Variants in PLCG1 observed in about 807,000 individuals in gnomAD.
PLCG1 encodes phospholipase C gamma 1.
Under a neutral mutation model 177.8 loss-of-function variants are expected in PLCG1, and 71 were observed. The observed-to-expected ratio is 0.40, with a 90% CI of 0.33 to 0.49. The LOEUF is 0.49. Ranked by LOEUF, PLCG1 falls within the 20% of genes least tolerant of loss-of-function variation. The pLI, the probability that PLCG1 is intolerant of heterozygous loss-of-function variation, is 0.72. For missense variants in PLCG1, 1,281 were observed against 1,709.0 expected (o/e 0.75, Z 4.42); for synonymous variants, 658 against 647.9 (o/e 1.02, Z -0.24).
rs76786327 is a variant in PLCG1 at position 41,170,170 on chromosome 20, G to A, written c.2709G>A (p.Ser903=). 412 of 1,614,094 alleles carry A rather than the reference G, an allele frequency of 2.6e-4. 1 individual carries two copies. In the African/African-American group the frequency reaches 4.3e-3, roughly 17 times the overall value. ...RLFVFSISMA[S]VAHWSLDVAA... is the part of the protein sequence containing the mutation. The stretch of plus-strand genomic sequence containing the variant: ...TCGTCTTCTCCATCAGCATGGCGTC[G>A]GTGGCCCACTGGTCCCTGGATGTTG... Residue 903 remains serine (S), a synonymous_variant, in exon 24 of 32, where the codon TCG becomes TCA. Coordinates refer to ENST00000685551, the MANE Select transcript of PLCG1 (RefSeq NM_002660.3).
chr20:41,141,618 C>T (rs905742615), intron 1 of PLCG1, among the ~76,000 whole-genome samples: 1 of 152,244 alleles, frequency 6.6e-6, no homozygotes, highest in African/African-American at 2.4e-5. Context: ...GGCAGGAGCA[C>T]ATGTCCGGAT....
chr20:41,137,737 C>A lies in PLCG1; in HGVS notation c.96C>A (p.Gly32=). Residue 32 remains glycine (G), a synonymous_variant, in exon 1 of 32, where the codon GGC becomes GGA. Coordinates refer to ENST00000685551, the MANE Select transcript of PLCG1 (RefSeq NM_002660.3). This position sits in a 1 kb window ranked among gnomAD's most constrained non-coding sequence, Gnocchi z 7.3. ...ACCTCTGCCGCAGCCTCGAGGTGGG[C>A]ACCGTCATGACTTTGTTCTACTCCA... ...VLHLCRSLEV[G]TVMTLFYSKK... is the part of the protein sequence containing the mutation. The A allele has an allele frequency of 7.6e-7, 1 of 1,320,078 alleles. No homozygotes were observed. The highest frequency in any genetic ancestry group is 9.7e-7 in the Non-Finnish European group (1 of 1,029,658). The allele number at this position is 1,320,078 out of a possible 1,614,324, so 81.8% of individuals were successfully genotyped here. A position where few individuals can be genotyped will look rare whatever the true frequency, so the allele number is the denominator to read the frequency against.
At position 41,170,298 on chromosome 20, in the gene PLCG1, G is replaced by C. The variant is rs139858443; in HGVS notation, c.2808+29G>C. 1.3e-5 allele frequency: 21 copies of C among 1,613,168 alleles called. No homozygotes were observed. The East Asian group carries it at 1.6e-4, about 12-fold the overall frequency. ...AGATTCTGCTGGAACCTTCTGGGGGGCAGTGTGTGGGCCCGTCAGGCAGCT... is the reference window on the plus strand; with the variant it reads ...AGATTCTGCTGGAACCTTCTGGGGGCCAGTGTGTGGGCCCGTCAGGCAGCT... On this transcript the variant is annotated intron_variant, in intron 24 of 31. Coordinates refer to ENST00000685551, the MANE Select transcript of PLCG1 (RefSeq NM_002660.3).
At position 41,160,000 on chromosome 20, in the gene PLCG1, A is replaced by G; in HGVS notation, c.464+37A>G. On this transcript the variant is annotated intron_variant, in intron 3 of 31. Transcript: ENST00000685551. The surrounding 1 kb of genome is among the most constrained non-coding windows in gnomAD (Gnocchi z 6.0). ...TCCTGAAGGGGTTAGGGCTGGGAGC[A>G]TTAGGGACCAGGGGGACAGGGACAG... The G allele has an allele frequency of 1.9e-6, 3 of 1,602,156 alleles. No individual in the cohort carries two copies. The highest frequency in any genetic ancestry group is 2.2e-5 in the East Asian group (1 of 44,842).
In PLCG1 at chr20:41,169,978, C is replaced by T. The variant is rs985555702; in HGVS notation, c.2651-134C>T. On this transcript the variant is annotated intron_variant, in intron 23 of 31. Coordinates refer to ENST00000685551, the MANE Select transcript of PLCG1 (RefSeq NM_002660.3). Reference sequence around the variant, plus strand: ...CTGTCAAATGGGCCAGCAGAGTAGTCCTTCCCCTCATGGGGTGTGGGAAGG... The same window carrying T: ...CTGTCAAATGGGCCAGCAGAGTAGTTCTTCCCCTCATGGGGTGTGGGAAGG... 4 of 801,026 alleles carry T rather than the reference C, an allele frequency of 5.0e-6. No individual in the cohort carries two copies. The African/African-American group carries it at 5.2e-5, about 10-fold the overall frequency. The allele number at this position is 801,026 out of a possible 1,614,324, so 49.6% of individuals were successfully genotyped here.
Position 41,173,370 on chromosome 20 carries a change from T to C in PLCG1, c.3280-50T>C, listed in dbSNP as rs1425826591. 8 of 1,494,440 alleles carry C rather than the reference T, an allele frequency of 5.4e-6. No individual in the cohort carries two copies. The highest frequency in any genetic ancestry group is 4.5e-5 in the Admixed American group (2 of 44,606). The allele number at this position is 1,494,440 out of a possible 1,614,324, so 92.6% of individuals were successfully genotyped here. ...CTGACTGAGCCTCCGCAGTGGGGAATTGGAGGGAGCAGGAAGGACAATCCC... is the reference window on the plus strand; with the variant it reads ...CTGACTGAGCCTCCGCAGTGGGGAACTGGAGGGAGCAGGAAGGACAATCCC... On this transcript the variant is annotated intron_variant, in intron 27 of 31. Coordinates refer to ENST00000685551, the MANE Select transcript of PLCG1 (RefSeq NM_002660.3). This position sits in a 1 kb window ranked among gnomAD's most constrained non-coding sequence, Gnocchi z 6.2.
At chr20:41,138,478 A>AT (rs1175225004) in intron 1 of PLCG1, among the ~76,000 whole-genome samples, 8,240 of 137,944 alleles carry the variant, frequency 0.06, 273 homozygotes, top group Middle Eastern at 0.16. Context: ...AGTGGCTGGA[A>AT]TTTTTTTTTT....
chr20:41,164,078 C>A lies in PLCG1; in HGVS notation c.1097-3C>A. The A allele has an allele frequency of 6.2e-7, 1 of 1,614,192 alleles. No individual in the cohort carries two copies. The highest frequency in any genetic ancestry group is 8.5e-7 in the Non-Finnish European group (1 of 1,180,026). On this transcript the variant is annotated splice_region_variant and splice_polypyrimidine_tract_variant and intron_variant, in intron 11 of 31. Transcript: ENST00000685551. The surrounding 1 kb of genome is among the most constrained non-coding windows in gnomAD (Gnocchi z 6.4). ...GCTTGACCATGGTGATGTTGCTCCCCAGTGGACTGCTGGGACGGCCCGGAT... is the reference window on the plus strand; with the variant it reads ...GCTTGACCATGGTGATGTTGCTCCCAAGTGGACTGCTGGGACGGCCCGGAT...
At chr20:41,139,169 C>T (rs2034727268) in intron 1 of PLCG1, among the ~76,000 whole-genome samples, 1 of 152,192 alleles carries the variant, frequency 6.6e-6, no homozygotes, top group South Asian at 2.1e-4. Context: ...CCAGATCTGA[C>T]ACAGATCTAA....
chr20:41,172,312 G>T lies in PLCG1; in HGVS notation c.2905+23G>T, dbSNP rs1289009162. On this transcript the variant is annotated intron_variant, in intron 25 of 31. Coordinates refer to ENST00000685551, the MANE Select transcript of PLCG1 (RefSeq NM_002660.3). The surrounding 1 kb of genome is among the most constrained non-coding windows in gnomAD (Gnocchi z 7.0). The stretch of plus-strand genomic sequence containing the variant: ...AGAGTAAGGGCCAGGGCCCAGGCGG[G>T]GTGTGCATGTGCCTGGAGGGCCTGG... 6.3e-7 allele frequency: 1 copy of T among 1,593,888 alleles called. No homozygotes were observed. Among genetic ancestry groups the T allele is most frequent in the Non-Finnish European group, 8.6e-7 (1 of 1,161,444 alleles).
In PLCG1 at chr20:41,148,569, GT is replaced by G. The variant is rs2035067752; in HGVS notation, c.217+10712del. 6.6e-6 allele frequency among the ~76,000 whole-genome samples: 1 copy of G among 152,176 alleles called. No individual in the cohort carries two copies. The highest frequency in any genetic ancestry group is 1.5e-5 in the Non-Finnish European group (1 of 68,050). The stretch of plus-strand genomic sequence containing the variant: ...GTGAGCAGGAACAGGTTATATAGCA[GT>G]GATGCTTTCATAGTATTTTTCTTGA... On this transcript the variant is annotated intron_variant, in intron 1 of 31. Transcript: ENST00000685551. The surrounding 1 kb of genome is among the most constrained non-coding windows in gnomAD (Gnocchi z 4.3).
At position 41,163,188 on chromosome 20, in the gene PLCG1, C is replaced by G. The variant is rs766134598; in HGVS notation, c.717-15C>G. The G allele has an allele frequency of 7.1e-6, 11 of 1,544,650 alleles. No homozygotes were observed. Among genetic ancestry groups the G allele is most frequent in the Non-Finnish European group, 9.6e-6 (11 of 1,147,872 alleles). The stretch of plus-strand genomic sequence containing the variant: ...CTGTTGACCATACTAGCTAGCTTAC[C>G]TTCTCTCCCTGCAGGGCTGGGGAGC... On this transcript the variant is annotated splice_polypyrimidine_tract_variant and intron_variant, in intron 7 of 31. Transcript: ENST00000685551. The surrounding 1 kb of genome is among the most constrained non-coding windows in gnomAD (Gnocchi z 5.2).
Position 41,147,772 on chromosome 20 carries a change from C to G in PLCG1, c.217+9914C>G. Among the ~76,000 whole-genome samples, 1 of 151,972 alleles carries G rather than the reference C, an allele frequency of 6.6e-6. No individual in the cohort carries two copies. The highest frequency in any genetic ancestry group is 6.6e-5 in the Admixed American group (1 of 15,260). ...CTGAGGCAGGATAATTGCTTGAACC[C>G]GGGAGGCAGAGGTTGCAGTGAGCCA... On this transcript the variant is annotated intron_variant, in intron 1 of 31. Transcript: ENST00000685551. The surrounding 1 kb of genome is among the most constrained non-coding windows in gnomAD (Gnocchi z 4.0).
Position 41,164,267 on chromosome 20 carries a change from A to G in PLCG1, c.1217+66A>G. 1 of 1,542,786 alleles carries G rather than the reference A, an allele frequency of 6.5e-7. No individual in the cohort carries two copies. Among genetic ancestry groups the G allele is most frequent in the Non-Finnish European group, 8.9e-7 (1 of 1,120,408 alleles). ...CAGGTCTCTCGTTCTAGAGGGACAG[A>G]GGGCAGAAAGACTCCTCAAATGCCC... is the stretch of plus-strand genomic sequence containing the variant. On this transcript the variant is annotated intron_variant, in intron 12 of 31. Coordinates refer to ENST00000685551, the MANE Select transcript of PLCG1 (RefSeq NM_002660.3). This position sits in a 1 kb window ranked among gnomAD's most constrained non-coding sequence, Gnocchi z 6.4.
At chr20:41,140,332 C>G (rs909881536) in intron 1 of PLCG1, among the ~76,000 whole-genome samples, 1 of 152,222 alleles carries the variant, frequency 6.6e-6, no homozygotes, top group African/African-American at 2.4e-5. Flanking sequence ...CATTCGTGGG[C>G]TCTCCTTGTT....
chr20:41,167,778 C>A lies in PLCG1; in HGVS notation c.2302-74C>A. 9.2e-7 allele frequency: 1 copy of A among 1,084,182 alleles called. No homozygotes were observed. The highest frequency in any genetic ancestry group is 1.4e-6 in the Non-Finnish European group (1 of 705,774). 67.2% of individuals were successfully genotyped at this position (1,084,182 alleles called of 1,614,324 possible). ...GCTGCACTGGGGGAAAGGGAAGCTGCTCCAGAAACCAGTAGCTGCTTTCTA... is the reference window on the plus strand; with the variant it reads ...GCTGCACTGGGGGAAAGGGAAGCTGATCCAGAAACCAGTAGCTGCTTTCTA... On this transcript the variant is annotated intron_variant, in intron 19 of 31. Transcript: ENST00000685551. This position sits in a 1 kb window ranked among gnomAD's most constrained non-coding sequence, Gnocchi z 4.4.
In PLCG1 at chr20:41,173,986, T is replaced by C; in HGVS notation, c.3620T>C (p.Ile1207Thr). The C allele has an allele frequency of 6.2e-7, 1 of 1,614,110 alleles. No homozygotes were observed. The highest frequency in any genetic ancestry group is 2.2e-5 in the East Asian group (1 of 44,878). The change falls in exon 30 of 32, where the codon ATC (isoleucine) becomes ACC (threonine). Residue 1207 changes from isoleucine (I) to threonine (T), a missense_variant. Around this residue, in one of 4 missense-constraint regions of PLCG1, gnomAD observed 153 missense variants for 153.2 expected, o/e 1.00. Coordinates refer to ENST00000685551, the MANE Select transcript of PLCG1 (RefSeq NM_002660.3). The surrounding 1 kb of genome is among the most constrained non-coding windows in gnomAD (Gnocchi z 6.2). ...SEDLELASLL[I>T]KIDIFPAKQE... ...GACCTGGAGTTGGCCTCCCTGCTGATCAAGATTGACATTTTCCCTGCCAAG... is the reference window on the plus strand; with the variant it reads ...GACCTGGAGTTGGCCTCCCTGCTGACCAAGATTGACATTTTCCCTGCCAAG...
At chr20:41,138,533 A>G (rs990170989) in intron 1 of PLCG1, among the ~76,000 whole-genome samples, 3 of 140,368 alleles carry the variant, frequency 2.1e-5, no homozygotes, top group Admixed American at 7.2e-5. Context: ...TTGGAGGCCT[A>G]TGTGGGTGGG....
rs1338253404 is a variant in PLCG1 at position 41,165,493 on chromosome 20, A to G, written c.1553A>G (p.Tyr518Cys). The change falls in exon 15 of 32, where the codon TAC (tyrosine) becomes TGC (cysteine). Residue 518 changes from tyrosine to cysteine, a missense_variant. Physicochemically the swap from Tyr to Cys is radical, Grantham distance 194 (BLOSUM62 -2). Around this residue, in one of 4 missense-constraint regions of PLCG1, gnomAD observed 723 missense variants for 1,030.0 expected, o/e 0.70. Transcript: ENST00000685551. The surrounding 1 kb of genome is among the most constrained non-coding windows in gnomAD (Gnocchi z 6.6). ...TTTGTTCTGACCAGCAGCAAGATCT[A>G]CTACTCTGAGGAGACCAGCAGTGAC... ...HYFVLTSSKI[Y>C]YSEETSSDQG... The G allele has an allele frequency of 1.2e-6, 2 of 1,613,892 alleles. No homozygotes were observed. Among genetic ancestry groups the G allele is most frequent in the Admixed American group, 1.7e-5 (1 of 59,994 alleles).
Sources: allele counts gnomAD v4.1 joint callset (sites outside exome capture counted in the v4.1 genomes callset), GRCh38; gene constraint gnomAD v4.1.1; regional missense constraint gnomAD v4.1.1; non-coding constraint Gnocchi (gnomAD v3.1); transcripts MANE v1.5; gene names NCBI Gene and HGNC (gene_info 2026-07-23, HGNC 2026-07-21).